The following SND1 variants were observed in gnomAD, a reference collection of about 807,000 sequenced individuals.
SND1 encodes the protein staphylococcal nuclease and tudor domain containing 1, also known as staphylococcal nuclease domain-containing protein 1.
SND1 carries 38 observed loss-of-function variants against 121.7 expected under a neutral mutation model. The ratio of observed to expected loss-of-function variants is 0.31; its 90% confidence interval spans 0.24 to 0.41. SND1 has a LOEUF of 0.41. Ranked by LOEUF, SND1 falls within the 10% of genes least tolerant of loss-of-function variation. SND1 has a pLI of 1.00. For synonymous variants in SND1, 401 were observed against 447.4 expected (o/e 0.90, Z 1.31); for missense variants, 868 against 1,184.6 (o/e 0.73, Z 3.92).
chr7:127,659,297 C>T (rs1281425371), intron 1 of SND1, among the ~76,000 whole-genome samples: 1 of 152,176 alleles, frequency 6.6e-6, no homozygotes, highest in Non-Finnish European at 1.5e-5. Flanking sequence ...CAATATAATA[C>T]ATTAATGATC....
chr7:127,739,353 A>C (rs1300748905), intron 10 of SND1, among the ~76,000 whole-genome samples: 1 of 152,202 alleles, frequency 6.6e-6, no homozygotes, highest in Non-Finnish European at 1.5e-5. Context: ...TTTACTGATT[A>C]GTGAAATATT....
chr7:128,087,308 G>A (rs1405371795), intron 21 of SND1, among the ~76,000 whole-genome samples: 1 of 152,116 alleles, frequency 6.6e-6, no homozygotes, highest in Admixed American at 6.5e-5. Flanking sequence ...GGGGCTTTTG[G>A]GCAGTGGCAG....
In SND1 at chr7:128,067,256, A is replaced by G. The variant is rs1245236175; in HGVS notation, c.1780-7246A>G. ...CATAAGAGGCAGGATTGGCACCTGG[A>G]TCACAGTTCTAGCCCAGGGCCTTTC... On this transcript the variant is annotated intron_variant, in intron 16 of 23. Coordinates refer to ENST00000354725, the MANE Select transcript of SND1 (RefSeq NM_014390.4). 3.3e-5 allele frequency among the ~76,000 whole-genome samples: 5 copies of G among 152,190 alleles called. No individual in the cohort carries two copies. The East Asian group carries it at 9.6e-4, about 29-fold the overall frequency.
At chr7:127,718,454 TA>T (rs1186031742) in intron 9 of SND1, 2 of 411,846 alleles carry the variant, frequency 4.9e-6, no homozygotes, top group African/African-American at 2.2e-5. Context: ...TACAGAGGAA[TA>T]AAAAACCATA....
chr7:127,698,300 C>A (rs1410835266), intron 3 of SND1, among the ~76,000 whole-genome samples: 3 of 152,150 alleles, frequency 2.0e-5, no homozygotes, highest in African/African-American at 7.2e-5. Flanking sequence ...ATAGCCAGCC[C>A]TAAATGAATC....
chr7:127,932,156 G>T (rs1800967989), intron 15 of SND1, among the ~76,000 whole-genome samples: 1 of 152,214 alleles, frequency 6.6e-6, no homozygotes, highest in South Asian at 2.1e-4. Context: ...TTTCTGGAAT[G>T]GATTCACCAC....
intron 15 of SND1, among the ~76,000 whole-genome samples, chr7:127,969,298 G>A (rs1801924872): frequency 1.3e-5 from 2 of 152,146 alleles, no homozygotes; most frequent in Non-Finnish European, 2.9e-5. Flanking sequence ...CAGCTAGCCC[G>A]CTTTCTGTCC....
At chr7:127,774,471 A>C (rs1365580488) in intron 10 of SND1, among the ~76,000 whole-genome samples, 1 of 151,920 alleles carries the variant, frequency 6.6e-6, no homozygotes, top group Non-Finnish European at 1.5e-5. Context: ...CTTCACGTTC[A>C]CTCACCGCTG....
At chr7:127,927,035 A>AT in intron 14 of SND1, among the ~76,000 whole-genome samples, 1 of 152,168 alleles carries the variant, frequency 6.6e-6, no homozygotes, top group East Asian at 1.9e-4. Context: ...ACATGTATTG[A>AT]TTTTTATGAC....
intron 15 of SND1, among the ~76,000 whole-genome samples, chr7:127,964,064 G>C (rs1563072603): frequency 2.0e-5 from 3 of 151,666 alleles, no homozygotes; most frequent in Middle Eastern, 3.4e-3. Context: ...TTTGAGAAGT[G>C]TCTGTTCATG....
At chr7:127,901,140 A>G (rs1285081424) in intron 13 of SND1, among the ~76,000 whole-genome samples, 3 of 152,226 alleles carry the variant, frequency 2.0e-5, no homozygotes, top group African/African-American at 7.2e-5. Flanking sequence ...TCTCAAAGAC[A>G]GAGCTCCACA....
intron 4 of SND1, among the ~76,000 whole-genome samples, 186 bp from the exon 5 acceptor site, chr7:127,700,977 G>A (rs934521598): frequency 2.0e-5 from 3 of 152,140 alleles, no homozygotes; most frequent in Admixed American, 6.5e-5. Flanking sequence ...GAAAGGACAA[G>A]TTTGGAATCT....
chr7:127,901,965 TG>T (rs1584653532), intron 13 of SND1, among the ~76,000 whole-genome samples: 1 of 152,222 alleles, frequency 6.6e-6, no homozygotes, highest in Admixed American at 6.5e-5. Context: ...AAATGTCATA[TG>T]TATACTATTA....
chr7:128,084,798 GC>G lies in SND1; in HGVS notation c.2191del (p.Arg731AlafsTer11). The G allele has an allele frequency of 1.2e-6, 2 of 1,608,596 alleles. No homozygotes were observed. The stretch of plus-strand genomic sequence containing the variant: ...TCACCCCCCTGTAGAGGGCTCCTAT[GC>G]CCCCCGCAGGGGAGAGTTCTGCATT... Reference protein sequence around the residue: ...ASHPPVEGSYAPRRGEFCIAK... With the variant: ...ASHPPVEGSYXPRRGEFCIAK... On this transcript the variant is annotated frameshift_variant, in exon 19 of 24. Coordinates refer to ENST00000354725, the MANE Select transcript of SND1 (RefSeq NM_014390.4). LOFTEE classifies it high-confidence loss of function.
intron 16 of SND1, among the ~76,000 whole-genome samples, chr7:127,994,002 G>T (rs1360797365): frequency 1.3e-5 from 2 of 152,232 alleles, no homozygotes; most frequent in Admixed American, 1.3e-4. Context: ...GGCATGCAGG[G>T]TGTCTGGCAC....
intron 10 of SND1, among the ~76,000 whole-genome samples, chr7:127,782,565 G>A (rs1450163978): frequency 6.6e-6 from 1 of 152,202 alleles, no homozygotes; most frequent in Non-Finnish European, 1.5e-5. Flanking sequence ...GAATTTAATT[G>A]GCTATTCTAC....
At chr7:127,685,553 T>C (rs1401942591) in intron 1 of SND1, among the ~76,000 whole-genome samples, 3 of 152,236 alleles carry the variant, frequency 2.0e-5, no homozygotes, top group African/African-American at 4.8e-5. Flanking sequence ...ATGTGTCTTC[T>C]TCCCTTCTTT....
chr7:127,915,637 A>G (rs534353989), intron 14 of SND1, among the ~76,000 whole-genome samples: 46 of 152,352 alleles, frequency 3.0e-4, no homozygotes, highest in African/African-American at 9.9e-4. Context: ...AATTTGTTAT[A>G]TAATTACAAT....
In SND1 at chr7:127,959,640, T is replaced by C. The variant is rs909469900; in HGVS notation, c.1669+30311T>C. ...AATAAATGTTTCTCCAACCGTCCTC[T>C]TTAAAATCGCAAAACTACCCCATTC... On this transcript the variant is annotated intron_variant, in intron 15 of 23. Transcript: ENST00000354725. Among the ~76,000 whole-genome samples, 3 of 152,200 alleles carry C rather than the reference T, an allele frequency of 2.0e-5. No homozygotes were observed. The East Asian group carries it at 5.8e-4, about 29-fold the overall frequency.
Sources: allele counts gnomAD v4.1 joint callset (sites outside exome capture counted in the v4.1 genomes callset), GRCh38; gene constraint gnomAD v4.1.1; transcripts MANE v1.5; gene names NCBI Gene and HGNC (gene_info 2026-07-23, HGNC 2026-07-21).